PAX5: variants seen among roughly 807,000 people sequenced by gnomAD.
PAX5 encodes the protein paired box protein Pax-5.
A neutral mutation model predicts 43.7 loss-of-function variants in PAX5; 9 were observed. The observed-to-expected ratio is 0.21, with a 90% CI of 0.12 to 0.36. The LOEUF (loss-of-function observed/expected upper bound fraction) is 0.36. PAX5 is among the 10% of genes least tolerant of loss of function. The probability of loss-of-function intolerance (pLI) is 1.00; values close to 1 mark genes in which losing one functional copy is unlikely to be tolerated. For missense variants in PAX5, 383 were observed against 532.7 expected (o/e 0.72, Z 2.77); for synonymous variants, 228 against 214.3 (o/e 1.06, Z -0.56).
chr9:37,024,836 A>G (rs374858781), intron 1 of PAX5, among the ~76,000 whole-genome samples: 1 of 152,310 alleles, frequency 6.6e-6, no homozygotes, highest in Admixed American at 6.5e-5. Context: ...GCTAGGGCAC[A>G]ACCTCTGGGC....
At chr9:36,958,648 C>T (rs1014841214) in intron 6 of PAX5, among the ~76,000 whole-genome samples, 3 of 152,104 alleles carry the variant, frequency 2.0e-5, no homozygotes, top group Non-Finnish European at 2.9e-5. Flanking sequence ...CCTAGCTCTC[C>T]GAGTCTCCTC....
At chr9:36,921,838 C>T (rs1035970689) in intron 7 of PAX5, among the ~76,000 whole-genome samples, 3 of 152,222 alleles carry the variant, frequency 2.0e-5, no homozygotes, top group African/African-American at 7.2e-5. Flanking sequence ...GCCACCGCCC[C>T]TCCCTGAGAC....
At chr9:36,900,038 T>G (rs1828230522) in intron 7 of PAX5, among the ~76,000 whole-genome samples, 1 of 152,254 alleles carries the variant, frequency 6.6e-6, no homozygotes, top group Non-Finnish European at 1.5e-5. Context: ...CCAGCCTTGT[T>G]ACCTTGGATC....
At chr9:36,918,995 A>G (rs1045690717) in intron 7 of PAX5, among the ~76,000 whole-genome samples, 3 of 152,238 alleles carry the variant, frequency 2.0e-5, no homozygotes, top group African/African-American at 7.2e-5. Flanking sequence ...ACTTTCATAG[A>G]TAGAGAGGAG....
chr9:36,959,923 C>T (rs991500910), intron 6 of PAX5, among the ~76,000 whole-genome samples: 2 of 152,216 alleles, frequency 1.3e-5, no homozygotes, highest in Non-Finnish European at 2.9e-5. Flanking sequence ...GCCTGCACAA[C>T]GGGGATGATG....
At chr9:36,895,027 C>T (rs532968579) in intron 7 of PAX5, among the ~76,000 whole-genome samples, 70 of 152,346 alleles carry the variant, frequency 4.6e-4, no homozygotes, top group African/African-American at 1.6e-3. Context: ...TGGCGAGGGC[C>T]GAGTGAGTGA....
At chr9:36,954,044 C>A (rs1833234386) in intron 6 of PAX5, among the ~76,000 whole-genome samples, 2 of 152,132 alleles carry the variant, frequency 1.3e-5, no homozygotes, top group African/African-American at 4.8e-5. Flanking sequence ...TGTACTCCAG[C>A]TTGGGTGACA....
Position 36,882,267 on chromosome 9 carries a change from T to C in PAX5, c.911-162A>G, listed in dbSNP as rs953482917. Reference sequence around the variant, plus strand: ...GCTCACACGCTCTCACAAACACACATACACACACACACACACACACACACA... The same window carrying C: ...GCTCACACGCTCTCACAAACACACACACACACACACACACACACACACACA... On this transcript the variant is annotated intron_variant, in intron 7 of 9. Coordinates refer to ENST00000358127, the MANE Select transcript of PAX5 (RefSeq NM_016734.3). This position sits in a 1 kb window ranked among gnomAD's most constrained non-coding sequence, Gnocchi z 4.4. Among the ~76,000 whole-genome samples, 46 of 146,374 alleles carry C rather than the reference T, an allele frequency of 3.1e-4. No homozygotes were observed. The highest frequency in any genetic ancestry group is 2.5e-3 in the South Asian group (11 of 4,468).
chr9:37,015,613 C>T lies in PAX5; in HGVS notation c.213-419G>A, dbSNP rs1279515121. Among the ~76,000 whole-genome samples the T allele has an allele frequency of 2.0e-5, 3 of 149,030 alleles. No homozygotes were observed. Among genetic ancestry groups the T allele is most frequent in the Non-Finnish European group, 3.0e-5 (2 of 67,570 alleles). On this transcript the variant is annotated intron_variant, in intron 2 of 9. Coordinates refer to ENST00000358127, the MANE Select transcript of PAX5 (RefSeq NM_016734.3). The surrounding 1 kb of genome is among the most constrained non-coding windows in gnomAD (Gnocchi z 4.4). ...TTTTTTTTTCAGACGGAGTTTCGCTCTTGTTGCCCAGGCTGGAATGCAATG... is the reference window on the plus strand; with the variant it reads ...TTTTTTTTTCAGACGGAGTTTCGCTTTTGTTGCCCAGGCTGGAATGCAATG...
intron 1 of PAX5, among the ~76,000 whole-genome samples, chr9:37,026,089 C>T (rs1426205430): frequency 6.6e-6 from 1 of 152,152 alleles, no homozygotes; most frequent in Non-Finnish European, 1.5e-5. Flanking sequence ...CGGGTCAGGG[C>T]CCCACTATCC....
intron 5 of PAX5, among the ~76,000 whole-genome samples, chr9:36,975,886 G>A (rs1477553774): frequency 2.0e-5 from 3 of 152,236 alleles, no homozygotes; most frequent in African/African-American, 7.2e-5. Context: ...TATGAGCTGA[G>A]GGCAGAGCCC....
At chr9:36,840,675 G>T (rs568177708) in intron 9 of PAX5, 39 bp from the exon 10 acceptor site, 37 of 1,388,882 alleles carry the variant, frequency 2.7e-5, no homozygotes, top group Non-Finnish European at 3.7e-5. Flanking sequence ...TCAGATCCGG[G>T]GTCCCCTTTC....
At chr9:36,923,825 C>T (rs535308945) in intron 6 of PAX5, among the ~76,000 whole-genome samples, 7 of 152,154 alleles carry the variant, frequency 4.6e-5, no homozygotes, top group Non-Finnish European at 8.8e-5. Context: ...ATGGAGGGTC[C>T]GTAACCAAAA....
At chr9:36,927,316 C>T (rs1019836002) in intron 6 of PAX5, among the ~76,000 whole-genome samples, 2 of 152,110 alleles carry the variant, frequency 1.3e-5, no homozygotes, top group Non-Finnish European at 2.9e-5. Flanking sequence ...CAAGGGAATG[C>T]CTTTACTTCC....
chr9:36,899,470 A>G (rs1828173138), intron 7 of PAX5, among the ~76,000 whole-genome samples: 3 of 152,074 alleles, frequency 2.0e-5, no homozygotes, highest in African/African-American at 7.2e-5. Context: ...CTCAGAAAAC[A>G]TCTCCCAGGC....
At chr9:36,863,995 G>T (rs1222636034) in intron 8 of PAX5, among the ~76,000 whole-genome samples, 3 of 152,192 alleles carry the variant, frequency 2.0e-5, no homozygotes, top group African/African-American at 7.2e-5. Flanking sequence ...TGTAGTCCCA[G>T]CTACTCGGGA....
At chr9:36,852,820 C>T (rs568014669) in intron 8 of PAX5, among the ~76,000 whole-genome samples, 2 of 152,270 alleles carry the variant, frequency 1.3e-5, no homozygotes, top group South Asian at 2.1e-4. Context: ...CTCAACCTTT[C>T]CATCCCCAGG....
At chr9:37,011,810 A>G (rs992666915) in intron 3 of PAX5, among the ~76,000 whole-genome samples, 2 of 152,236 alleles carry the variant, frequency 1.3e-5, no homozygotes, top group African/African-American at 4.8e-5. Context: ...AAATCCAGCC[A>G]TCACTCCCTC....
At chr9:36,904,020 C>A (rs1828611027) in intron 7 of PAX5, among the ~76,000 whole-genome samples, 2 of 152,298 alleles carry the variant, frequency 1.3e-5, no homozygotes. Flanking sequence ...AGCTGTGTGA[C>A]CTTGAGCAAG....
Sources: gnomAD v4.1 joint callset for allele counts (sites outside exome capture counted in the v4.1 genomes callset) on GRCh38, gnomAD v4.1.1 for gene constraint, Gnocchi (gnomAD v3.1) non-coding constraint, MANE v1.5 for transcripts, NCBI Gene and HGNC (gene_info 2026-07-23, HGNC 2026-07-21) for gene names.